The following SLC35F2 variants were observed in gnomAD, a reference collection of about 807,000 sequenced individuals.
SLC35F2 encodes the protein solute carrier family 35 member F2, also known as queuine/queuosine transporter SLC35F2.
In SLC35F2, 25 loss-of-function variants were observed where a neutral mutation model predicts 38.1. That is an observed-to-expected ratio of 0.66 (90% confidence interval 0.48 to 0.92). SLC35F2 has a LOEUF of 0.92. Ranked by LOEUF, SLC35F2 falls within the 40% of genes least tolerant of loss-of-function variation. SLC35F2 has a pLI of 0.00. For synonymous variants in SLC35F2, 173 were observed against 181.7 expected (o/e 0.95, Z 0.38); for missense variants, 409 against 452.9 (o/e 0.90, Z 0.88).
intron 1 of SLC35F2, among the ~76,000 whole-genome samples, chr11:107,839,457 T>C (rs1003450160): frequency 6.6e-6 from 1 of 151,968 alleles, no homozygotes; most frequent in Non-Finnish European, 1.5e-5. Context: ...CAAGACACCG[T>C]TTCAAAAAAA....
rs1032847619 is a variant in SLC35F2 at position 107,858,732 on chromosome 11, T to C, written c.36A>G (p.Pro12=). ...CCGCCGCTCCCTCCGCGAGGGGCTC[T>C]GGGGCGCCGGGGCCCGCTGGCGAGT... is the stretch of plus-strand genomic sequence containing the variant. ...EADSPAGPGA[P]EPLAEGAAAE... The change falls in exon 1 of 8, where the codon CCA becomes CCG. Residue 12 remains proline (P), a synonymous_variant. Coordinates refer to ENST00000525815, the MANE Select transcript of SLC35F2 (RefSeq NM_017515.5). 1.0e-5 allele frequency: 13 copies of C among 1,289,286 alleles called. No individual in the cohort carries two copies. The highest frequency in any genetic ancestry group is 8.9e-6 in the Non-Finnish European group (9 of 1,010,594). The allele number at this position is 1,289,286 out of a possible 1,614,324, so 79.9% of individuals were successfully genotyped here. A position where few individuals can be genotyped will look rare whatever the true frequency, so the allele number is the denominator to read the frequency against.
At chr11:107,853,834 T>C (rs1860232477) in intron 1 of SLC35F2, among the ~76,000 whole-genome samples, 1 of 151,548 alleles carries the variant, frequency 6.6e-6, no homozygotes, top group Non-Finnish European at 1.5e-5. Context: ...ATCTATTTGA[T>C]GGGAAAAAGA....
intron 1 of SLC35F2, among the ~76,000 whole-genome samples, chr11:107,826,278 CTT>C (rs35417276): frequency 1.2e-4 from 17 of 144,066 alleles, no homozygotes; most frequent in Non-Finnish European, 6.1e-5. Flanking sequence ...AAAGATAAAA[CTT>C]TTTTTTTTTT....
In SLC35F2 at chr11:107,806,865, G is replaced by A. The variant is rs760957012; in HGVS notation, c.426C>T (p.Cys142=). ...TTLTSVQLLD[C]FGIPVLMALS... The stretch of plus-strand genomic sequence containing the variant: ...GAGCCATCAACACAGGAATCCCAAA[G>A]CAATCCAAAAGCTGCATGGAAAGAG... Residue 142 remains cysteine, a synonymous_variant, in exon 4 of 8, where the codon TGC becomes TGT. Coordinates refer to ENST00000525815, the MANE Select transcript of SLC35F2 (RefSeq NM_017515.5). 1 of 1,613,412 alleles carries A rather than the reference G, an allele frequency of 6.2e-7. No homozygotes were observed. The highest frequency in any genetic ancestry group is 1.7e-5 in the Admixed American group (1 of 59,958).
At chr11:107,820,849 G>A (rs12279264) in intron 1 of SLC35F2, among the ~76,000 whole-genome samples, 8,359 of 152,152 alleles carry the variant, frequency 0.055, 450 homozygotes, top group African/African-American at 0.14. Flanking sequence ...CCAGCTACTT[G>A]GGAGGCTGAG....
At chr11:107,856,105 CAAAA>C (rs1229189240) in intron 1 of SLC35F2, among the ~76,000 whole-genome samples, 2 of 95,678 alleles carry the variant, frequency 2.1e-5, no homozygotes, top group Non-Finnish European at 4.3e-5. Context: ...AACTCTGTCT[CAAAA>C]AAAAAAAAAA....
intron 7 of SLC35F2, 64 bp downstream of exon 7, chr11:107,802,937 G>A: frequency 6.8e-7 from 1 of 1,464,672 alleles, no homozygotes; most frequent in Non-Finnish European, 9.1e-7. Flanking sequence ...GAGTCTTGAA[G>A]AAACCTGCTA....
At chr11:107,804,871 T>C in intron 5 of SLC35F2, 101 bp from the exon 6 acceptor site, 4 of 1,191,958 alleles carry the variant, frequency 3.4e-6, no homozygotes, top group Non-Finnish European at 4.8e-6. Flanking sequence ...AGGAATTACA[T>C]GGACATTTGA....
At chr11:107,835,488 G>A (rs1389782677) in intron 1 of SLC35F2, among the ~76,000 whole-genome samples, 1 of 151,858 alleles carries the variant, frequency 6.6e-6, no homozygotes, top group Non-Finnish European at 1.5e-5. Context: ...CCAAACTGGA[G>A]CGCAGTGGCA....
chr11:107,816,421 T>G (rs1034681998), intron 1 of SLC35F2: 2 of 307,328 alleles, frequency 6.5e-6, no homozygotes, highest in Non-Finnish European at 9.5e-6. Flanking sequence ...ACTGGGACTA[T>G]AGGCACATGC....
intron 7 of SLC35F2, 35 bp from the exon 8 acceptor site, chr11:107,792,835 T>G (rs1006731248): frequency 1.1e-5 from 16 of 1,504,796 alleles, no homozygotes; most frequent in Non-Finnish European, 1.4e-5. Flanking sequence ...ATTGTGCCCC[T>G]CACATACACA....
rs555324413 is a variant in SLC35F2 at position 107,821,432 on chromosome 11, G to A, written c.111-5467C>T. ...TAATGACCTCATCTATAATAGAGGA[G>A]TAGGAGAGCAAGAGTGAGAGAGAAA... On this transcript the variant is annotated intron_variant, in intron 1 of 7. Transcript: ENST00000525815. The A allele has an allele frequency of 1.5e-5, 15 of 985,408 alleles. No homozygotes were observed. The East Asian group carries it at 1.7e-3, about 112-fold the overall frequency. The allele number at this position is 985,408 out of a possible 1,614,324, so 61.0% of individuals were successfully genotyped here.
intron 1 of SLC35F2, among the ~76,000 whole-genome samples, chr11:107,854,292 T>C (rs1271883309): frequency 6.8e-6 from 1 of 146,066 alleles, no homozygotes; most frequent in Non-Finnish European, 1.5e-5. Flanking sequence ...AAACTAGTAG[T>C]GCGTGGCAGT....
At chr11:107,823,269 A>G in intron 1 of SLC35F2, 1 of 963,484 alleles carries the variant, frequency 1.0e-6, no homozygotes, top group Non-Finnish European at 1.2e-6. Flanking sequence ...TTATTTGAAA[A>G]AAAGGAGTTC....
At chr11:107,795,087 G>A (rs604668) in intron 7 of SLC35F2, among the ~76,000 whole-genome samples, 136,261 of 152,202 alleles carry the variant, frequency 0.9, 60,970 homozygotes, top group African/African-American at 0.97. Flanking sequence ...GGACTGGAAG[G>A]ATTAATCTCA....
chr11:107,844,901 G>A (rs1487769962), intron 1 of SLC35F2, among the ~76,000 whole-genome samples: 14 of 150,912 alleles, frequency 9.3e-5, no homozygotes, highest in Non-Finnish European at 1.9e-4. Context: ...GCGTGAACCC[G>A]GGAGGCAGAG....
At chr11:107,840,035 G>A (rs1486939267) in intron 1 of SLC35F2, among the ~76,000 whole-genome samples, 1 of 152,080 alleles carries the variant, frequency 6.6e-6, no homozygotes, top group Non-Finnish European at 1.5e-5. Flanking sequence ...GGGGGAAGGG[G>A]GCAAAATAAA....
chr11:107,814,071 C>T (rs1214912712), intron 2 of SLC35F2, among the ~76,000 whole-genome samples: 1 of 152,168 alleles, frequency 6.6e-6, no homozygotes, highest in East Asian at 1.9e-4. Context: ...ATTCACTAAC[C>T]TTTGCAAGGC....
intron 7 of SLC35F2, among the ~76,000 whole-genome samples, chr11:107,802,283 CTCAA>C (rs1386756895): frequency 2.0e-5 from 3 of 147,298 alleles, no homozygotes; most frequent in Admixed American, 6.8e-5. Context: ...AAATGAATGG[CTCAA>C]TCAATTCTCA....
Sources: gnomAD v4.1 joint callset for allele counts (sites outside exome capture counted in the v4.1 genomes callset) on GRCh38, gnomAD v4.1.1 for gene constraint, MANE v1.5 for transcripts, NCBI Gene and HGNC (gene_info 2026-07-23, HGNC 2026-07-21) for gene names.